The following DNAH12 variants were observed in gnomAD, a reference collection of about 807,000 sequenced individuals.
The protein encoded by DNAH12 is dynein axonemal heavy chain 12, also known as axonemal beta dynein heavy chain 12.
Under a neutral mutation model 371.5 loss-of-function variants are expected in DNAH12, and 285 were observed. That is an observed-to-expected ratio of 0.77 (90% CI 0.70 to 0.85). The LOEUF is 0.85. Ranked by LOEUF, DNAH12 falls within the 40% of genes least tolerant of loss-of-function variation. The pLI, the probability that DNAH12 is intolerant of heterozygous loss-of-function variation, is 0.00. For missense variants in DNAH12, 3,611 were observed against 3,689.4 expected (o/e 0.98, Z 0.55); for synonymous variants, 1,200 against 1,213.0 (o/e 0.99, Z 0.22).
At chr3:57,546,968 ACT>A (rs1443804041), upstream of DNAH12, among the ~76,000 whole-genome samples, 4 of 152,040 alleles carry the variant, frequency 2.6e-5, no homozygotes, top group Non-Finnish European at 2.9e-5. Context: ...ACATGGTGTA[ACT>A]CTGTCTCTAT....
At chr3:57,432,551 G>C (rs1249187646) in intron 32 of DNAH12, among the ~76,000 whole-genome samples, 3 of 151,926 alleles carry the variant, frequency 2.0e-5, no homozygotes, top group African/African-American at 7.3e-5. Context: ...TGTAAGTATG[G>C]AAATAATCTG....
At chr3:57,540,273 A>G (rs2069222597) in intron 2 of DNAH12, among the ~76,000 whole-genome samples, 1 of 149,984 alleles carries the variant, frequency 6.7e-6, no homozygotes. Flanking sequence ...TTGGCCTCGT[A>G]CTCCTGACCT....
intron 55 of DNAH12, among the ~76,000 whole-genome samples, chr3:57,374,370 A>G (rs1172460902): frequency 6.6e-6 from 1 of 152,168 alleles, no homozygotes; most frequent in Non-Finnish European, 1.5e-5. Context: ...AGTCCCATGA[A>G]AAGACTTTTA....
At chr3:57,353,018 G>A (rs1429002656) in intron 59 of DNAH12, among the ~76,000 whole-genome samples, 4 of 152,190 alleles carry the variant, frequency 2.6e-5, no homozygotes, top group Non-Finnish European at 5.9e-5. Context: ...GAACCCGGGA[G>A]GTGGAGGTTG....
chr3:57,542,645 C>T, intron 2 of DNAH12, 56 bp downstream of exon 2: 5 of 1,521,094 alleles, frequency 3.3e-6, no homozygotes, highest in Non-Finnish European at 4.4e-6. Flanking sequence ...AGAATATGAA[C>T]ACTAATCATT....
At chr3:57,530,790 T>A (rs1244363731) in intron 2 of DNAH12, 1 of 224,258 alleles carries the variant, frequency 4.5e-6, no homozygotes, top group African/African-American at 2.3e-5. Context: ...ATTCCCCACA[T>A]CCAGCCTCAA....
chr3:57,366,030 A>G (rs1257213667), intron 57 of DNAH12, among the ~76,000 whole-genome samples: 1 of 152,134 alleles, frequency 6.6e-6, no homozygotes, highest in African/African-American at 2.4e-5. Flanking sequence ...ATTAAAACCT[A>G]CTGGATTGCA....
Position 57,405,571 on chromosome 3 carries a change from G to C in DNAH12, c.6576+82C>G, listed in dbSNP as rs2063998731. 5.1e-6 allele frequency: 7 copies of C among 1,377,208 alleles called. No individual in the cohort carries two copies. In the Admixed American group the frequency reaches 1.9e-4, roughly 38 times the overall value. The allele number at this position is 1,377,208 out of a possible 1,614,324, so 85.3% of individuals were successfully genotyped here. Reference sequence around the variant, plus strand: ...TAAAAGAATATGTTCATTAAGAAATGATTTTTAAAAATATAACTTAATTGT... The same window carrying C: ...TAAAAGAATATGTTCATTAAGAAATCATTTTTAAAAATATAACTTAATTGT... On this transcript the variant is annotated intron_variant, in intron 41 of 73. Coordinates refer to ENST00000495027, the MANE Select transcript of DNAH12 (RefSeq NM_001366028.2).
chr3:57,476,042 T>C (rs1326376819), intron 13 of DNAH12, among the ~76,000 whole-genome samples: 1 of 152,166 alleles, frequency 6.6e-6, no homozygotes, highest in Non-Finnish European at 1.5e-5. Flanking sequence ...AATTATTGTA[T>C]ACAATGTGGA....
intron 51 of DNAH12, among the ~76,000 whole-genome samples, chr3:57,379,842 CAAAAAAAAAAAAAAA>C (rs1170490495): frequency 1.3e-4 from 3 of 22,378 alleles, no homozygotes; most frequent in African/African-American, 1.3e-4. Flanking sequence ...CTCTGTCTCC[CAAAAAAAAAAAAAAA>C]AAAAAAAAAA....
At chr3:57,555,673 A>G in the DNAH12 span, among the ~76,000 whole-genome samples, 28 of 152,376 alleles carry the variant, frequency 1.8e-4, no homozygotes, top group East Asian at 4.4e-3. Flanking sequence ...GACCTACCTC[A>G]TAAGAACTAT....
At chr3:57,550,141 C>T in the DNAH12 span, among the ~76,000 whole-genome samples, 1 of 151,802 alleles carries the variant, frequency 6.6e-6, no homozygotes, top group Admixed American at 6.6e-5. Context: ...AGCGAGACCC[C>T]ATCTCTACAA....
chr3:57,370,457 C>G (rs903800056), intron 55 of DNAH12, among the ~76,000 whole-genome samples: 4 of 152,142 alleles, frequency 2.6e-5, no homozygotes, highest in African/African-American at 9.6e-5. Flanking sequence ...AATCTCAAGA[C>G]AGAAAGTGAG....
chr3:57,499,643 A>ATATATATAT (rs1307559756), intron 11 of DNAH12, among the ~76,000 whole-genome samples: 2 of 24,576 alleles, frequency 8.1e-5, no homozygotes, highest in African/African-American at 3.5e-4. Flanking sequence ...AAAAAAAAAA[A>ATATATATAT]AAAAATATAT....
At chr3:57,369,642 A>T (rs1427721030) in intron 55 of DNAH12, among the ~76,000 whole-genome samples, 2 of 152,144 alleles carry the variant, frequency 1.3e-5, no homozygotes, top group Non-Finnish European at 2.9e-5. Flanking sequence ...TTTTCCTACC[A>T]CAGCAAGAAA....
At chr3:57,471,380 A>G in intron 15 of DNAH12, 92 bp downstream of exon 15, 1 of 1,216,420 alleles carries the variant, frequency 8.2e-7, no homozygotes, top group Non-Finnish European at 1.1e-6. Context: ...AAAAATAGTA[A>G]ACATATTTTT....
intron 45 of DNAH12, among the ~76,000 whole-genome samples, chr3:57,389,723 T>C (rs1192355806): frequency 6.6e-6 from 1 of 150,886 alleles, no homozygotes; most frequent in Non-Finnish European, 1.5e-5. Context: ...GGCTCATACA[T>C]GGGCTCAGGC....
the DNAH12 span, among the ~76,000 whole-genome samples, chr3:57,553,431 G>A: frequency 1.3e-5 from 2 of 152,280 alleles, no homozygotes; most frequent in South Asian, 2.1e-4. Context: ...ATAAAGCTGT[G>A]AAGATGATGG....
chr3:57,335,478 T>A (rs1288989990), intron 60 of DNAH12, among the ~76,000 whole-genome samples: 1 of 152,202 alleles, frequency 6.6e-6, no homozygotes, highest in Non-Finnish European at 1.5e-5. Flanking sequence ...AAGTGTGTTG[T>A]TAGGCGATTT....
Sources: allele counts gnomAD v4.1 joint callset (sites outside exome capture counted in the v4.1 genomes callset), GRCh38; gene constraint gnomAD v4.1.1; transcripts MANE v1.5; gene names NCBI Gene and HGNC (gene_info 2026-07-23, HGNC 2026-07-21).